TBC1D5: variants seen among roughly 807,000 people sequenced by gnomAD.
TBC1D5 encodes TBC1 domain family, member 5.
A neutral mutation model predicts 100.3 loss-of-function variants in TBC1D5; 75 were observed. The ratio of observed to expected loss-of-function variants is 0.75; its 90% CI spans 0.62 to 0.91. The LOEUF is 0.91. Among genes scored for constraint, TBC1D5 ranks in the 40% least tolerant of loss-of-function variants. TBC1D5 has a pLI of 0.00. For synonymous variants in TBC1D5, 323 were observed against 325.6 expected, an observed-to-expected ratio of 0.99 and a Z score of 0.09; for missense variants, 910 against 942.4, an observed-to-expected ratio of 0.97 and a Z score of 0.45.
rs184781067 is a variant in TBC1D5 at position 17,707,772 on chromosome 3, C to T, written c.-101+31571G>A. 4.3e-4 allele frequency among the ~76,000 whole-genome samples: 66 copies of T among 152,104 alleles called. 1 individual carries two copies. The highest frequency in any genetic ancestry group is 7.9e-4 in the Non-Finnish European group (54 of 67,988). On this transcript the variant is annotated intron_variant, in intron 1 of 21. Coordinates refer to ENST00000253692, the Ensembl canonical transcript of TBC1D5. ...AATATATCCTTTTCTCCAGAGGAAG[C>T]CCAGTTAACTTCCTGAACAGGAAGA... is the stretch of plus-strand genomic sequence containing the variant.
chr3:17,321,774 A>T (rs1336610628), intron 13 of TBC1D5, among the ~76,000 whole-genome samples: 1 of 152,182 alleles, frequency 6.6e-6, no homozygotes, highest in African/African-American at 2.4e-5. Context: ...ATTAATTTCA[A>T]GTTTTGTAAA....
At chr3:17,232,796 G>A (rs1559458552) in intron 17 of TBC1D5, among the ~76,000 whole-genome samples, 1 of 151,972 alleles carries the variant, frequency 6.6e-6, no homozygotes, top group Non-Finnish European at 1.5e-5. Context: ...ATAATATGAG[G>A]ACATATCATT....
At chr3:17,160,862 A>G (rs2065959241) in exon 22 of TBC1D5, 3 of 1,390,746 alleles carry the variant, frequency 2.2e-6, no homozygotes, top group Admixed American at 2.5e-5. Context: ...CCGGGAAGGA[A>G]GCAGTGGTTT....
chr3:17,367,642 C>G (rs1420971534), intron 13 of TBC1D5, among the ~76,000 whole-genome samples: 2 of 152,072 alleles, frequency 1.3e-5, no homozygotes, highest in Non-Finnish European at 2.9e-5. Flanking sequence ...GCAGATCACT[C>G]AAGGTCAGGA....
intron 2 of TBC1D5, among the ~76,000 whole-genome samples, chr3:17,532,338 A>T (rs1027686700): frequency 6.6e-6 from 1 of 152,214 alleles, no homozygotes; most frequent in African/African-American, 2.4e-5. Flanking sequence ...AGGAAACAAC[A>T]GGTGCTGGAG....
chr3:17,520,033 T>C (rs190893210), intron 2 of TBC1D5, among the ~76,000 whole-genome samples: 1 of 152,302 alleles, frequency 6.6e-6, no homozygotes, highest in East Asian at 1.9e-4. Flanking sequence ...CATTGAAATG[T>C]AGTATTTACT....
intron 7 of TBC1D5, among the ~76,000 whole-genome samples, chr3:17,404,491 C>T (rs949138215): frequency 6.6e-6 from 1 of 151,968 alleles, no homozygotes; most frequent in Admixed American, 6.6e-5. Flanking sequence ...TGCCATTCCA[C>T]AGAAATAGAT....
At chr3:17,248,519 G>C (rs2076931371) in intron 16 of TBC1D5, among the ~76,000 whole-genome samples, 1 of 152,122 alleles carries the variant, frequency 6.6e-6, no homozygotes, top group African/African-American at 2.4e-5. Flanking sequence ...CTTATGAAAT[G>C]TATTTCTTAA....
chr3:17,500,214 T>A lies in TBC1D5; in HGVS notation c.97+8260A>T, dbSNP rs147135581. ...GAGAATTGCTACATCAATGGAAGAT[T>A]TTGAATAAAACTGAAAAGCAGATCT... On this transcript the variant is annotated intron_variant, in intron 3 of 21. Coordinates refer to ENST00000253692, the Ensembl canonical transcript of TBC1D5. Among the ~76,000 whole-genome samples the A allele has an allele frequency of 2.0e-5, 3 of 149,468 alleles. No individual in the cohort carries two copies. In the East Asian group the frequency reaches 5.8e-4, roughly 29 times the overall value.
At chr3:17,371,127 C>CCTGTT (rs2092432321) in intron 13 of TBC1D5, among the ~76,000 whole-genome samples, 1 of 151,738 alleles carries the variant, frequency 6.6e-6, no homozygotes, top group South Asian at 2.1e-4. Context: ...TGAGCATCTC[C>CCTGTT]CTGTTCTGCT....
At position 17,544,959 on chromosome 3, in the gene TBC1D5, A is replaced by G. The variant is rs2096400329; in HGVS notation, c.-35-36354T>C. On this transcript the variant is annotated intron_variant, in intron 2 of 21. Coordinates refer to ENST00000253692, the Ensembl canonical transcript of TBC1D5. ...GGGTCCCTATACTGACATTAACTGT[A>G]GAATGAGCATATTTATTTTACAATT... 2.6e-5 allele frequency among the ~76,000 whole-genome samples: 4 copies of G among 152,234 alleles called. No individual in the cohort carries two copies. In the South Asian group the frequency reaches 8.3e-4, roughly 32 times the overall value.
At chr3:17,669,826 C>T (rs900715935) in intron 1 of TBC1D5, among the ~76,000 whole-genome samples, 12 of 152,134 alleles carry the variant, frequency 7.9e-5, no homozygotes, top group East Asian at 1.9e-4. Flanking sequence ...TACAAGACCA[C>T]GTATCAAGAT....
chr3:17,281,747 C>G (rs1183831472), intron 15 of TBC1D5, among the ~76,000 whole-genome samples: 1 of 152,086 alleles, frequency 6.6e-6, no homozygotes, highest in African/African-American at 2.4e-5. Context: ...CAGTTTACTA[C>G]TTGAATATAT....
At chr3:17,668,905 G>A (rs2067596108) in intron 1 of TBC1D5, among the ~76,000 whole-genome samples, 1 of 152,084 alleles carries the variant, frequency 6.6e-6, no homozygotes, top group African/African-American at 2.4e-5. Context: ...ATCCTGACTC[G>A]AATCCCAGCT....
chr3:17,653,792 CTT>C (rs1245806234), intron 1 of TBC1D5, among the ~76,000 whole-genome samples: 1 of 151,896 alleles, frequency 6.6e-6, no homozygotes, highest in Non-Finnish European at 1.5e-5. Flanking sequence ...TTCTGCAACT[CTT>C]AAATTATTTC....
exon 22 of TBC1D5, chr3:17,161,071 A>G: frequency 3.1e-6 from 5 of 1,614,178 alleles, no homozygotes; most frequent in Non-Finnish European, 4.2e-6. Flanking sequence ...CCATCAGTGG[A>G]TCTGAGAACA....
chr3:17,209,192 T>C (rs1246080782), intron 18 of TBC1D5, among the ~76,000 whole-genome samples: 1 of 152,228 alleles, frequency 6.6e-6, no homozygotes, highest in East Asian at 1.9e-4. Context: ...CTGCATCCCA[T>C]GCTGGAGTGC....
chr3:17,348,586 G>C (rs1473921068), intron 13 of TBC1D5, among the ~76,000 whole-genome samples: 4 of 151,906 alleles, frequency 2.6e-5, no homozygotes, highest in Non-Finnish European at 5.9e-5. Flanking sequence ...CTTTTTTTCT[G>C]ATTTCTCTTG....
chr3:17,400,490 G>C (rs1254263713), intron 8 of TBC1D5, among the ~76,000 whole-genome samples: 1 of 152,068 alleles, frequency 6.6e-6, no homozygotes, highest in Non-Finnish European at 1.5e-5. Flanking sequence ...AAATGACAAG[G>C]AGACTTAATC....
Sources: gnomAD v4.1 joint callset for allele counts (sites outside exome capture counted in the v4.1 genomes callset) on GRCh38, gnomAD v4.1.1 for gene constraint, MANE v1.5 for transcripts, NCBI Gene and HGNC (gene_info 2026-07-23, HGNC 2026-07-21) for gene names.